The following NCOR2 variants were observed in gnomAD, a reference collection of about 807,000 sequenced individuals.
The protein encoded by NCOR2 is nuclear receptor corepressor 2, also known as CTG repeat protein 26.
NCOR2 carries 81 observed loss-of-function variants against 262.9 expected under a neutral mutation model. The observed-to-expected ratio is 0.31, with a 90% CI of 0.26 to 0.37. The LOEUF (loss-of-function observed/expected upper bound fraction) is 0.37. Among genes scored for constraint, NCOR2 ranks in the 10% least tolerant of loss-of-function variants. The pLI, the probability that NCOR2 is intolerant of heterozygous loss-of-function variation, is 1.00. For missense variants in NCOR2, 3,385 were observed against 3,621.4 expected (o/e 0.93, Z 1.68); for synonymous variants, 1,659 against 1,559.3 (o/e 1.06, Z -1.51).
rs188867808 is a variant in NCOR2 at position 124,329,451 on chromosome 12, A to T, written c.6958+1394T>A. Among the ~76,000 whole-genome samples the T allele has an allele frequency of 4.0e-5, 6 of 150,520 alleles. No homozygotes were observed. In the East Asian group the frequency reaches 1.2e-3, roughly 30 times the overall value. ...ACTCCAGCCTGGGCGACAGAGCAAGACTCTGTCAAACAAACAGACAAACAA... is the reference window on the plus strand; with the variant it reads ...ACTCCAGCCTGGGCGACAGAGCAAGTCTCTGTCAAACAAACAGACAAACAA... On this transcript the variant is annotated intron_variant, in intron 44 of 46. Transcript: ENST00000405201.
chr12:124,380,768 G>GGCGCC (rs2040354054), intron 17 of NCOR2, among the ~76,000 whole-genome samples: 2 of 152,076 alleles, frequency 1.3e-5, no homozygotes, highest in Non-Finnish European at 2.9e-5. Flanking sequence ...ATCCTGGAGT[G>GGCGCC]CAAGGTGTCT....
chr12:124,394,850 G>A (rs1312726867), intron 16 of NCOR2, among the ~76,000 whole-genome samples: 1 of 152,166 alleles, frequency 6.6e-6, no homozygotes, highest in Non-Finnish European at 1.5e-5. Context: ...ACATACAGTG[G>A]GCGCTCCTTG....
intron 13 of NCOR2, among the ~76,000 whole-genome samples, chr12:124,418,262 A>T (rs1426358775): frequency 6.6e-6 from 1 of 152,146 alleles, no homozygotes; most frequent in Non-Finnish European, 1.5e-5. Context: ...GCGGATAAGG[A>T]CCGAGTTCAG....
intron 1 of NCOR2, among the ~76,000 whole-genome samples, chr12:124,501,519 C>T (rs1354422776): frequency 1.3e-5 from 2 of 152,180 alleles, no homozygotes; most frequent in Admixed American, 6.5e-5. Context: ...CCTACTTCCT[C>T]ACTCCTCCAG....
intron 43 of NCOR2, 163 bp downstream of exon 45, chr12:124,332,156 C>T: frequency 1.2e-6 from 1 of 823,332 alleles, no homozygotes; most frequent in Non-Finnish European, 1.9e-6. Context: ...CCCTGGGGCT[C>T]CCCAAATGTG....
intron 4 of NCOR2, among the ~76,000 whole-genome samples, chr12:124,470,380 G>C (rs939499820): frequency 6.6e-6 from 1 of 152,152 alleles, no homozygotes; most frequent in Admixed American, 6.5e-5. Flanking sequence ...CTGAAAACAG[G>C]TGTCCCAACA....
At chr12:124,334,443 G>C (rs372728146) in exon 41 of NCOR2, 7 of 1,498,458 alleles carry the variant, frequency 4.7e-6, no homozygotes, top group East Asian at 2.7e-5. Context: ...CCTTCGCTGT[G>C]GGGGGAGCCA....
At chr12:124,436,054 G>A (rs571069270) in intron 8 of NCOR2, among the ~76,000 whole-genome samples, 1 of 152,358 alleles carries the variant, frequency 6.6e-6, no homozygotes, top group African/African-American at 2.4e-5. Flanking sequence ...CGCACGACCT[G>A]TCCCTGCAGC....
intron 21 of NCOR2, 40 bp downstream of exon 23, chr12:124,363,639 T>A: frequency 7.5e-7 from 1 of 1,325,982 alleles, no homozygotes; most frequent in Non-Finnish European, 9.7e-7. Flanking sequence ...AAAGTCAAGG[T>A]CAGGGTGGAC....
In NCOR2 at chr12:124,554,400, C is replaced by CA. The variant is rs144705907; in HGVS notation, c.-165+12907dup. Among the ~76,000 whole-genome samples, 2,266 of 152,310 alleles carry CA rather than the reference C, an allele frequency of 0.015. 157 individuals are homozygous for CA. The East Asian group carries it at 0.2, about 13-fold the overall frequency. ...TCCAGCCTCCCACCACCCAGCTGGG[C>CA]ATCCAGACAGGGAATATCTCCTCTG... On this transcript the variant is annotated intron_variant, in intron 1 of 32. Transcript: ENST00000458234.
chr12:124,393,322 T>C (rs2041441751), intron 16 of NCOR2, among the ~76,000 whole-genome samples: 2 of 152,082 alleles, frequency 1.3e-5, no homozygotes, highest in African/African-American at 4.8e-5. Flanking sequence ...CTCCTGAACA[T>C]TCTCGGTCCT....
intron 10 of NCOR2, among the ~76,000 whole-genome samples, chr12:124,427,916 G>A (rs1405758630): frequency 6.6e-6 from 1 of 152,166 alleles, no homozygotes; most frequent in East Asian, 1.9e-4. Context: ...GCACACTCCC[G>A]GGGGAACCTC....
chr12:124,429,962 A>C (rs1055159118), intron 9 of NCOR2, among the ~76,000 whole-genome samples: 10 of 152,186 alleles, frequency 6.6e-5, no homozygotes, highest in Non-Finnish European at 1.5e-4. Context: ...CCCAGCTACA[A>C]AGATCTGGGT....
At chr12:124,354,581 T>C in exon 26 of NCOR2, 1 of 1,574,520 alleles carries the variant, frequency 6.4e-7, no homozygotes. Flanking sequence ...CGCTGAAGGG[T>C]GCTGAGGACC....
intron 23 of NCOR2, among the ~76,000 whole-genome samples, chr12:124,356,316 G>A (rs376532689): frequency 7.2e-4 from 109 of 152,316 alleles, no homozygotes; most frequent in African/African-American, 2.5e-3. Context: ...CCAAGGTAGC[G>A]CCTCTGCTCC....
At chr12:124,344,153 A>G (rs537173010) in intron 32 of NCOR2, among the ~76,000 whole-genome samples, 1 of 152,326 alleles carries the variant, frequency 6.6e-6, no homozygotes, top group Admixed American at 6.5e-5. Flanking sequence ...CAGGGAACAA[A>G]GAGAAAGAGG....
At position 124,531,507 on chromosome 12, in the gene NCOR2, G is replaced by A. The variant is rs939634856; in HGVS notation, c.-118+4058C>T. Among the ~76,000 whole-genome samples the A allele has an allele frequency of 6.6e-6, 1 of 152,158 alleles. No individual in the cohort carries two copies. Among genetic ancestry groups the A allele is most frequent in the Non-Finnish European group, 1.5e-5 (1 of 68,024 alleles). ...GGGAGAAGGAGGGAGGAGAAGGAGG[G>A]GTAGGGAGCAGGAAGGAAGGGGGAG... On this transcript the variant is annotated intron_variant, in intron 1 of 46. Coordinates refer to the NCOR2 transcript ENST00000404621. This position sits in a 1 kb window ranked among gnomAD's most constrained non-coding sequence, Gnocchi z 4.5.
At chr12:124,493,120 A>AGCAGGAGAAGAATGGGAGGT (rs1211731145) in intron 1 of NCOR2, among the ~76,000 whole-genome samples, 1 of 152,256 alleles carries the variant, frequency 6.6e-6, no homozygotes, top group Non-Finnish European at 1.5e-5. Context: ...CTGACGGCCC[A>AGCAGGAGAAGAATGGGAGGT]GCAGGAGAAG....
chr12:124,379,284 TCA>T (rs1425936938), intron 17 of NCOR2, among the ~76,000 whole-genome samples: 1 of 152,146 alleles, frequency 6.6e-6, no homozygotes, highest in Non-Finnish European at 1.5e-5. Flanking sequence ...CCCCAGCTCC[TCA>T]CACACAGAGC....
Sources: gnomAD v4.1 joint callset for allele counts (sites outside exome capture counted in the v4.1 genomes callset) on GRCh38, gnomAD v4.1.1 for gene constraint, Gnocchi (gnomAD v3.1) non-coding constraint, MANE v1.5 for transcripts, NCBI Gene and HGNC (gene_info 2026-07-23, HGNC 2026-07-21) for gene names.